The following GNA11 variants were observed in gnomAD, a reference collection of about 807,000 sequenced individuals.
The protein encoded by GNA11 is G protein subunit alpha 11.
Under a neutral mutation model 38.2 loss-of-function variants are expected in GNA11, and 8 were observed. The ratio of observed to expected loss-of-function variants is 0.21; its 90% CI spans 0.12 to 0.38. The LOEUF (loss-of-function observed/expected upper bound fraction) is 0.38, where lower values mean the gene tolerates loss of function less well. GNA11 is among the 10% of genes least tolerant of loss of function. The pLI, the probability that GNA11 is intolerant of heterozygous loss-of-function variation, is 1.00. For synonymous variants in GNA11, 211 were observed against 221.4 expected (o/e 0.95, Z 0.42); for missense variants, 268 against 516.3 (o/e 0.52, Z 4.66).
chr19:3,094,608 G>GACGAT lies in GNA11; in HGVS notation c.-44_-43insACGAT. On this transcript the variant is annotated 5_prime_UTR_variant, in exon 1 of 7. It adds an upstream start codon to the 5' untranslated region. Transcript: ENST00000078429. The surrounding 1 kb of genome is among the most constrained non-coding windows in gnomAD (Gnocchi z 6.0). ...CGGCCAGGGCCGGGCCGGGGGCCGG[G>GACGAT]GGGCGGCGGCGGGCAGGCGGCCGCG... 1 of 1,025,364 alleles carries GACGAT rather than the reference G, an allele frequency of 9.8e-7. No homozygotes were observed. The highest frequency in any genetic ancestry group is 1.2e-6 in the Non-Finnish European group (1 of 835,762). The allele number at this position is 1,025,364 out of a possible 1,614,324, so 63.5% of individuals were successfully genotyped here.
At position 3,122,933 on chromosome 19, in the gene GNA11, G is replaced by T; in HGVS notation, c.*1754G>T. On this transcript the variant is annotated 3_prime_UTR_variant, in exon 7 of 7. Transcript: ENST00000078429. The surrounding 1 kb of genome is among the most constrained non-coding windows in gnomAD (Gnocchi z 7.7). The stretch of plus-strand genomic sequence containing the variant: ...GTGATCAGCCCCATGGGGAGACGGG[G>T]CTGGCGGGATACCCCCCCCCCGGCT... 4.5e-6 allele frequency: 1 copy of T among 221,654 alleles called. No homozygotes were observed. The highest frequency in any genetic ancestry group is 8.8e-6 in the Non-Finnish European group (1 of 113,574). The allele number at this position is 221,654 out of a possible 1,614,324, so 13.7% of individuals were successfully genotyped here.
chr19:3,113,706 C>T (rs930357450), intron 3 of GNA11, among the ~76,000 whole-genome samples: 1 of 152,232 alleles, frequency 6.6e-6, no homozygotes, highest in African/African-American at 2.4e-5. Context: ...TGACACTGGC[C>T]TGCTTGTATG....
In GNA11 at chr19:3,110,179, T is replaced by C. The variant is rs755993488; in HGVS notation, c.167T>C (p.Ile56Thr). The C allele has an allele frequency of 1.2e-6, 2 of 1,612,634 alleles. No individual in the cohort carries two copies. Residue 56 changes from isoleucine (I) to threonine (T), a missense_variant, in exon 2 of 7, where the codon ATC becomes ACC. Ile to Thr is a moderately conservative substitution (Grantham distance 89). Coordinates refer to ENST00000078429, the MANE Select transcript of GNA11 (RefSeq NM_002067.5). The surrounding 1 kb of genome is among the most constrained non-coding windows in gnomAD (Gnocchi z 5.4). ...GGCGAGAGCGGGAAGAGCACGTTCA[T>C]CAAGCAGATGCGCATCATCCACGGC... ...GTGESGKSTF[I>T]KQMRIIHGAG...
At chr19:3,112,949 C>T (rs539571232) in intron 2 of GNA11, among the ~76,000 whole-genome samples, 24 of 152,308 alleles carry the variant, frequency 1.6e-4, no homozygotes, top group African/African-American at 5.8e-4. Context: ...TTAGTTCTGT[C>T]GTCGTGCTTG....
rs545803834 is a variant in GNA11, at chr19:3,101,496, G to A, written c.136+6709G>A. ...TGGTTTGCTCGGCCTTAGTCCCACT[G>A]GATGCGGCGAGGGTTGACCGGTCAG... On this transcript the variant is annotated intron_variant, in intron 1 of 6. Coordinates refer to ENST00000078429, the MANE Select transcript of GNA11 (RefSeq NM_002067.5). 7.9e-5 allele frequency among the ~76,000 whole-genome samples: 12 copies of A among 152,308 alleles called. 1 individual carries two copies. The South Asian group carries it at 2.3e-3, about 29-fold the overall frequency.
At chr19:3,112,030 G>A (rs1913787702) in intron 2 of GNA11, among the ~76,000 whole-genome samples, 1 of 152,218 alleles carries the variant, frequency 6.6e-6, no homozygotes, top group South Asian at 2.1e-4. Flanking sequence ...GACTGATTTT[G>A]TCGATAAAGT....
intron 1 of GNA11, among the ~76,000 whole-genome samples, chr19:3,102,096 T>G (rs574969792): frequency 5.3e-5 from 8 of 150,864 alleles, no homozygotes; most frequent in Admixed American, 2.6e-4. Context: ...AGGTTCTGTC[T>G]CAAAAACAAA....
Position 3,113,319 on chromosome 19 carries a change from C to T in GNA11, c.322-11C>T, listed in dbSNP as rs768113864. On this transcript the variant is annotated splice_polypyrimidine_tract_variant and intron_variant, in intron 2 of 6. Coordinates refer to ENST00000078429, the MANE Select transcript of GNA11 (RefSeq NM_002067.5). ...GCGAGCTCTCGACGTCTCCCCTGCCCGCCCTCGCAGGCCAATGCGCTCCTG... is the reference window on the plus strand; with the variant it reads ...GCGAGCTCTCGACGTCTCCCCTGCCTGCCCTCGCAGGCCAATGCGCTCCTG... 21 of 1,608,782 alleles carry T rather than the reference C, an allele frequency of 1.3e-5. No homozygotes were observed. Among genetic ancestry groups the T allele is most frequent in the East Asian group, 2.2e-5 (1 of 44,808 alleles).
chr19:3,115,335 G>A (rs1478911274), intron 4 of GNA11: 1 of 406,716 alleles, frequency 2.5e-6, no homozygotes, highest in Non-Finnish European at 4.5e-6. Flanking sequence ...AGCCCAGGAG[G>A]TTGAGGCTGA....
At chr19:3,112,912 C>T (rs948438552) in intron 2 of GNA11, among the ~76,000 whole-genome samples, 1 of 152,234 alleles carries the variant, frequency 6.6e-6, no homozygotes, top group Non-Finnish European at 1.5e-5. Context: ...CTGGAGAATT[C>T]GAGGCAGCGA....
At chr19:3,101,926 C>T (rs1913517100) in intron 1 of GNA11, among the ~76,000 whole-genome samples, 1 of 152,078 alleles carries the variant, frequency 6.6e-6, no homozygotes, top group Non-Finnish European at 1.5e-5. Flanking sequence ...AGACCCCTGT[C>T]TCTACTAAAA....
chr19:3,104,681 C>T (rs1339271334), intron 1 of GNA11, among the ~76,000 whole-genome samples: 3 of 152,182 alleles, frequency 2.0e-5, no homozygotes, highest in African/African-American at 7.2e-5. Flanking sequence ...ATGTACACAG[C>T]GCCTTCTGCA....
At chr19:3,111,493 G>T (rs988110342) in intron 2 of GNA11, among the ~76,000 whole-genome samples, 5 of 152,242 alleles carry the variant, frequency 3.3e-5, no homozygotes, top group African/African-American at 1.2e-4. Flanking sequence ...GCCTGTGTCA[G>T]AGCCTCGTCC....
At chr19:3,113,964 G>A (rs992583290) in intron 3 of GNA11, among the ~76,000 whole-genome samples, 1 of 152,336 alleles carries the variant, frequency 6.6e-6, no homozygotes, top group South Asian at 2.1e-4. Flanking sequence ...CCTGGGATAG[G>A]GGGTGACTTG....
chr19:3,113,191 A>T lies in GNA11; in HGVS notation c.322-139A>T, dbSNP rs1599303695. On this transcript the variant is annotated intron_variant, in intron 2 of 6. Coordinates refer to ENST00000078429, the MANE Select transcript of GNA11 (RefSeq NM_002067.5). Reference sequence around the variant, plus strand: ...GTTTTTCTGACACGTGTTCACACGGAACTGTCAGTGGTCCTGACTGCACAG... The same window carrying T: ...GTTTTTCTGACACGTGTTCACACGGTACTGTCAGTGGTCCTGACTGCACAG... The T allele has an allele frequency of 1.3e-5, 10 of 743,658 alleles. No individual in the cohort carries two copies. In the East Asian group the frequency reaches 2.6e-4, roughly 19 times the overall value. The allele number at this position is 743,658 out of a possible 1,614,324, so 46.1% of individuals were successfully genotyped here. A position where few individuals can be genotyped will look rare whatever the true frequency, so the allele number is the denominator to read the frequency against.
chr19:3,099,456 G>T (rs542849737), intron 1 of GNA11, among the ~76,000 whole-genome samples: 126 of 152,306 alleles, frequency 8.3e-4, no homozygotes, highest in African/African-American at 3.0e-3. Flanking sequence ...GCAGAACCGG[G>T]ATCCTAAGTG....
At chr19:3,105,012 C>G (rs757904960) in intron 1 of GNA11, among the ~76,000 whole-genome samples, 15 of 151,820 alleles carry the variant, frequency 9.9e-5, no homozygotes, top group Non-Finnish European at 1.9e-4. Context: ...AGCTCACCAG[C>G]TCCAGACCCA....
chr19:3,102,545 G>A (rs1319720200), intron 1 of GNA11, among the ~76,000 whole-genome samples: 2 of 152,164 alleles, frequency 1.3e-5, no homozygotes, highest in Non-Finnish European at 2.9e-5. Context: ...CCGGGGATAA[G>A]CTGCGGAGCC....
At chr19:3,102,478 T>C (rs182016085) in intron 1 of GNA11, among the ~76,000 whole-genome samples, 1 of 152,298 alleles carries the variant, frequency 6.6e-6, no homozygotes, top group African/African-American at 2.4e-5. Flanking sequence ...CCTTGTCTTC[T>C]TGCCTCCCTG....
Sources: allele counts gnomAD v4.1 joint callset (sites outside exome capture counted in the v4.1 genomes callset), GRCh38; gene constraint gnomAD v4.1.1; non-coding constraint Gnocchi (gnomAD v3.1); transcripts MANE v1.5; gene names NCBI Gene and HGNC (gene_info 2026-07-23, HGNC 2026-07-21).